CRTAC1: variants seen among roughly 807,000 people sequenced by gnomAD.
The protein encoded by CRTAC1 is acidic secreted protein in cartilage.
Under a neutral mutation model 67.8 loss-of-function variants are expected in CRTAC1, and 37 were observed. The ratio of observed to expected loss-of-function variants is 0.55; its 90% CI spans 0.42 to 0.72. The LOEUF (loss-of-function observed/expected upper bound fraction) is 0.72, where lower values mean the gene tolerates loss of function less well. CRTAC1 is among the 30% of genes least tolerant of loss of function. The pLI is 0.00. For synonymous variants in CRTAC1, 348 were observed against 371.0 expected, an observed-to-expected ratio of 0.94 and a Z score of 0.71; for missense variants, 780 against 931.6, an observed-to-expected ratio of 0.84 and a Z score of 2.12.
intron 1 of CRTAC1, among the ~76,000 whole-genome samples, chr10:98,018,217 AAAAAAAAAAAAAAAAG>A (rs1184603836): frequency 2.7e-5 from 4 of 148,378 alleles, no homozygotes; most frequent in African/African-American, 9.9e-5. Flanking sequence ...AAAAAAAAAA[AAAAAAAAAAAAAAAAG>A]AGAGAGAGAG....
At chr10:97,932,423 C>T (rs758182782) in intron 3 of CRTAC1, among the ~76,000 whole-genome samples, 1 of 152,198 alleles carries the variant, frequency 6.6e-6, no homozygotes, top group Non-Finnish European at 1.5e-5. Context: ...AAGGCACCCC[C>T]ATGGAACTAA....
At chr10:98,008,021 G>A (rs566679475) in intron 2 of CRTAC1, among the ~76,000 whole-genome samples, 15 of 152,264 alleles carry the variant, frequency 9.9e-5, no homozygotes, top group African/African-American at 3.6e-4. Flanking sequence ...CCACATTTAC[G>A]CACAGGGCTC....
At chr10:97,929,581 G>A (rs2050972429) in intron 3 of CRTAC1, among the ~76,000 whole-genome samples, 1 of 152,180 alleles carries the variant, frequency 6.6e-6, no homozygotes, top group African/African-American at 2.4e-5. Flanking sequence ...GCAGGGCTGG[G>A]GAAGTAGCCA....
At chr10:97,962,486 G>A (rs2051541807) in intron 2 of CRTAC1, among the ~76,000 whole-genome samples, 1 of 152,192 alleles carries the variant, frequency 6.6e-6, no homozygotes, top group South Asian at 2.1e-4. Flanking sequence ...GCTACTGATT[G>A]TTGTTTGTTT....
chr10:97,910,195 T>C (rs2050670578), intron 5 of CRTAC1, among the ~76,000 whole-genome samples: 1 of 152,260 alleles, frequency 6.6e-6, no homozygotes, highest in South Asian at 2.1e-4. Context: ...AGAGAGTAGA[T>C]TTTAAGTGTT....
At chr10:97,893,844 C>T (rs2050412841) in intron 11 of CRTAC1, among the ~76,000 whole-genome samples, 1 of 152,160 alleles carries the variant, frequency 6.6e-6, no homozygotes, top group Non-Finnish European at 1.5e-5. Flanking sequence ...CAAAAATCTA[C>T]CATACGTGAC....
In CRTAC1 at chr10:97,865,380, G is replaced by C. The variant is rs2050007439; in HGVS notation, c.*168C>G. On this transcript the variant is annotated 3_prime_UTR_variant, in exon 15 of 15. Coordinates refer to ENST00000370597, the MANE Select transcript of CRTAC1 (RefSeq NM_018058.7). ...ATCACAGCTATGTGCCCAGCACAGG[G>C]CCTGGCCTTACGAGTCTCCCTAATT... The C allele has an allele frequency of 5.1e-6, 4 of 786,520 alleles. No individual in the cohort carries two copies. In the East Asian group the frequency reaches 1.1e-4, roughly 22 times the overall value. 48.7% of individuals were successfully genotyped at this position (786,520 alleles called of 1,614,324 possible). A position where few individuals can be genotyped will look rare whatever the true frequency, so the allele number is the denominator to read the frequency against.
intron 6 of CRTAC1, among the ~76,000 whole-genome samples, chr10:97,905,577 G>A (rs1007815744): frequency 2.6e-5 from 4 of 152,162 alleles, no homozygotes; most frequent in South Asian, 2.1e-4. Context: ...GTTAGGGTCC[G>A]GTTTTCCCAC....
At chr10:98,026,518 G>A (rs934150564) in intron 1 of CRTAC1, among the ~76,000 whole-genome samples, 2 of 152,116 alleles carry the variant, frequency 1.3e-5, no homozygotes, top group Non-Finnish European at 2.9e-5. Context: ...TGAGAATGCA[G>A]GCTCATTTCA....
At chr10:98,017,702 T>G (rs1004547738) in intron 1 of CRTAC1, among the ~76,000 whole-genome samples, 2 of 131,652 alleles carry the variant, frequency 1.5e-5, no homozygotes, top group Middle Eastern at 3.7e-3. Flanking sequence ...TCCTGGCTAT[T>G]TTTTTTTTTT....
At chr10:97,973,269 C>T (rs917770844) in intron 2 of CRTAC1, among the ~76,000 whole-genome samples, 3 of 152,150 alleles carry the variant, frequency 2.0e-5, no homozygotes, top group African/African-American at 4.8e-5. Context: ...CCTCTGAGGC[C>T]GGCTTCACTG....
chr10:98,018,933 G>A (rs542696003), intron 1 of CRTAC1, among the ~76,000 whole-genome samples: 1 of 152,274 alleles, frequency 6.6e-6, no homozygotes, highest in African/African-American at 2.4e-5. Context: ...CTTCACCTGT[G>A]ACAAGACTTC....
intron 2 of CRTAC1, among the ~76,000 whole-genome samples, chr10:97,946,480 GT>G (rs1158822675): frequency 6.6e-6 from 1 of 152,154 alleles, no homozygotes; most frequent in African/African-American, 2.4e-5. Context: ...CAGTTTGCAT[GT>G]AAAAAACCCC....
At chr10:97,955,519 C>T (rs2051426470) in intron 2 of CRTAC1, among the ~76,000 whole-genome samples, 2 of 152,230 alleles carry the variant, frequency 1.3e-5, no homozygotes, top group South Asian at 4.1e-4. Flanking sequence ...CTTCTCTATC[C>T]TTTCCTTGTT....
chr10:97,880,410 C>A lies in CRTAC1; in HGVS notation c.1676-18G>T, dbSNP rs529012206. ...ATTGGTGTCTGCAAGGCGAGGGGAA[C>A]CACTCACCATGAAGGTGTGGGGCAG... On this transcript the variant is annotated intron_variant, in intron 13 of 14. Coordinates refer to ENST00000370597, the MANE Select transcript of CRTAC1 (RefSeq NM_018058.7). The A allele has an allele frequency of 5.0e-6, 8 of 1,610,302 alleles. No homozygotes were observed. The highest frequency in any genetic ancestry group is 5.9e-6 in the Non-Finnish European group (7 of 1,176,910).
chr10:97,894,970 G>T (rs567368608), intron 11 of CRTAC1, among the ~76,000 whole-genome samples: 13 of 151,498 alleles, frequency 8.6e-5, no homozygotes, highest in African/African-American at 3.1e-4. Flanking sequence ...ACAAATGGAG[G>T]ATTAAACACT....
chr10:97,950,290 G>GAGAGAGAGAGAA (rs2051334866), intron 2 of CRTAC1, among the ~76,000 whole-genome samples: 2 of 148,568 alleles, frequency 1.3e-5, no homozygotes, highest in Non-Finnish European at 3.0e-5. Context: ...GAGAGAGAGA[G>GAGAGAGAGAGAA]TATGGCTATT....
In CRTAC1 at chr10:97,904,756, A is replaced by G. The variant is rs1371319272; in HGVS notation, c.909T>C (p.Asp303=). 1.2e-6 allele frequency: 2 copies of G among 1,607,418 alleles called. No individual in the cohort carries two copies. Among genetic ancestry groups the G allele is most frequent in the Non-Finnish European group, 1.7e-6 (2 of 1,177,328 alleles). Residue 303 remains aspartate (D), a synonymous_variant, in exon 7 of 15, where the codon GAT becomes GAC. Transcript: ENST00000370597. Reference sequence around the variant, plus strand: ...TGCCATAGACGATGTCCACTTTGCCATCACGGTTGAAGTCAGCCAGGGCGA... The same window carrying G: ...TGCCATAGACGATGTCCACTTTGCCGTCACGGTTGAAGTCAGCCAGGGCGA... ...RGVALADFNR[D]GKVDIVYGNW...
chr10:97,865,421 T>G lies in CRTAC1; in HGVS notation c.*127A>C. Reference sequence around the variant, plus strand: ...CTCCCTAATTGTTAGCTAAGTAATGTGCATGGATGGGCTTGGGGAGGGTCT... The same window carrying G: ...CTCCCTAATTGTTAGCTAAGTAATGGGCATGGATGGGCTTGGGGAGGGTCT... On this transcript the variant is annotated 3_prime_UTR_variant, in exon 15 of 15. Coordinates refer to ENST00000370597, the MANE Select transcript of CRTAC1 (RefSeq NM_018058.7). 1 of 1,145,034 alleles carries G rather than the reference T, an allele frequency of 8.7e-7. No individual in the cohort carries two copies. The highest frequency in any genetic ancestry group is 1.2e-6 in the Non-Finnish European group (1 of 824,120). 70.9% of individuals were successfully genotyped at this position (1,145,034 alleles called of 1,614,324 possible).
Sources: allele counts gnomAD v4.1 joint callset (sites outside exome capture counted in the v4.1 genomes callset), GRCh38; gene constraint gnomAD v4.1.1; transcripts MANE v1.5; gene names NCBI Gene and HGNC (gene_info 2026-07-23, HGNC 2026-07-21).